The following PTPRQ variants were observed in gnomAD, a reference collection of about 807,000 sequenced individuals.
PTPRQ encodes the protein protein tyrosine phosphatase receptor type Q, also known as phosphatidylinositol phosphatase PTPRQ.
Under a neutral mutation model 246.0 loss-of-function variants are expected in PTPRQ, and 199 were observed. The observed-to-expected ratio is 0.81, with a 90% CI of 0.72 to 0.91. The LOEUF (loss-of-function observed/expected upper bound fraction) is 0.91, where lower values mean the gene tolerates loss of function less well. Ranked by LOEUF, PTPRQ falls within the 40% of genes least tolerant of loss-of-function variation. PTPRQ has a pLI of 0.00. For missense variants in PTPRQ, 2,624 were observed against 2,528.4 expected (o/e 1.04, Z -0.81); for synonymous variants, 869 against 853.2 (o/e 1.02, Z -0.32).
intron 26 of PTPRQ, among the ~76,000 whole-genome samples, chr12:80,592,950 G>T (rs1013551292): frequency 5.3e-5 from 8 of 152,080 alleles, no homozygotes; most frequent in Non-Finnish European, 1.2e-4. Flanking sequence ...GGTGGAGCTT[G>T]CAATGAGCCA....
At chr12:80,449,358 G>A (rs891069227) in intron 3 of PTPRQ, among the ~76,000 whole-genome samples, 1 of 152,020 alleles carries the variant, frequency 6.6e-6, no homozygotes, top group South Asian at 2.1e-4. Context: ...TTCTTTTGCT[G>A]TGCAGAAGCT....
chr12:80,553,827 C>A (rs981304576), intron 25 of PTPRQ, among the ~76,000 whole-genome samples: 18 of 152,194 alleles, frequency 1.2e-4, no homozygotes, highest in African/African-American at 3.9e-4. Flanking sequence ...TACAGCAAGT[C>A]CATGTGCATG....
At chr12:80,492,885 A>G (rs10862141) in intron 9 of PTPRQ, among the ~76,000 whole-genome samples, 129,298 of 151,934 alleles carry the variant, frequency 0.85, 55,887 homozygotes, top group Non-Finnish European at 0.93. Context: ...GGTAATTAGA[A>G]AAGCAAAACA....
chr12:80,496,488 C>A lies in PTPRQ; in HGVS notation c.2229C>A (p.Gly743=). The A allele has an allele frequency of 1.3e-6, 2 of 1,550,184 alleles. No individual in the cohort carries two copies. Among genetic ancestry groups the A allele is most frequent in the East Asian group, 2.4e-5 (1 of 40,854 alleles). ...SVRSYTRFGH[G]NQVSSLLSVR... is the part of the protein sequence containing the mutation. Reference sequence around the variant, plus strand: ...GGTCTTACACCAGATTTGGTCATGGCAATCAGGTATCTTCTTTACTCTCTG... The same window carrying A: ...GGTCTTACACCAGATTTGGTCATGGAAATCAGGTATCTTCTTTACTCTCTG... Residue 743 remains glycine, a synonymous_variant, in exon 14 of 45, where the codon GGC becomes GGA. Coordinates refer to ENST00000644991, the MANE Select transcript of PTPRQ (RefSeq NM_001145026.2).
intron 19 of PTPRQ, among the ~76,000 whole-genome samples, chr12:80,535,860 C>A (rs1269518602): frequency 6.6e-6 from 1 of 152,198 alleles, no homozygotes; most frequent in Non-Finnish European, 1.5e-5. Context: ...GTAATCCCAG[C>A]ACTTTGGGAG....
chr12:80,679,270 T>C lies in PTPRQ; in HGVS notation c.*247T>C, dbSNP rs1363865491. 2.9e-6 allele frequency: 1 copy of C among 339,414 alleles called. No homozygotes were observed. Among genetic ancestry groups the C allele is most frequent in the East Asian group, 4.8e-5 (1 of 20,944 alleles). 21.0% of individuals were successfully genotyped at this position (339,414 alleles called of 1,614,324 possible). ...TGCTTAAGAAAAGACATCCCATATG[T>C]TTTTGAAGTCCTCCATATTTTGGAA... On this transcript the variant is annotated 3_prime_UTR_variant, in exon 45 of 45. Coordinates refer to ENST00000644991, the MANE Select transcript of PTPRQ (RefSeq NM_001145026.2).
intron 17 of PTPRQ, among the ~76,000 whole-genome samples, chr12:80,524,328 C>A (rs1430615169): frequency 2.0e-5 from 3 of 152,024 alleles, no homozygotes; most frequent in African/African-American, 7.2e-5. Flanking sequence ...AGGGGTTTCC[C>A]CTTTCGCTTG....
chr12:80,586,933 T>C (rs1017564885), intron 25 of PTPRQ, among the ~76,000 whole-genome samples: 1 of 152,208 alleles, frequency 6.6e-6, no homozygotes, highest in African/African-American at 2.4e-5. Flanking sequence ...GTAGTTTATA[T>C]GCAGATACTA....
At chr12:80,465,882 A>C (rs1351988571) in intron 6 of PTPRQ, among the ~76,000 whole-genome samples, 2 of 152,160 alleles carry the variant, frequency 1.3e-5, no homozygotes, top group Non-Finnish European at 2.9e-5. Context: ...ATCTATGACA[A>C]ACCCACAGCC....
rs1897502001 is a variant in PTPRQ, at chr12:80,583,195, AT to A, written c.4286-4931del. 1.3e-5 allele frequency among the ~76,000 whole-genome samples: 2 copies of A among 152,146 alleles called. 1 individual carries two copies. Reference sequence around the variant, plus strand: ...AAGTCCCCTGTTATACCCTCGATTCATTTGCTCACACATTCAAAAAACATTT... The same window carrying A: ...AAGTCCCCTGTTATACCCTCGATTCATTGCTCACACATTCAAAAAACATTT... On this transcript the variant is annotated intron_variant, in intron 25 of 44. Coordinates refer to ENST00000644991, the MANE Select transcript of PTPRQ (RefSeq NM_001145026.2).
At position 80,562,547 on chromosome 12, in the gene PTPRQ, T is replaced by C. The variant is rs188746159; in HGVS notation, c.4285+12813T>C. ...GATTGCAAAGGAAATCTTAAGATAATTTTTAAAATACATCAAACTGAATAT... is the reference window on the plus strand; with the variant it reads ...GATTGCAAAGGAAATCTTAAGATAACTTTTAAAATACATCAAACTGAATAT... On this transcript the variant is annotated intron_variant, in intron 25 of 44. Transcript: ENST00000644991. Among the ~76,000 whole-genome samples the C allele has an allele frequency of 5.2e-3, 796 of 152,298 alleles. 10 individuals are homozygous for C. The highest frequency in any genetic ancestry group is 6.8e-3 in the Non-Finnish European group (463 of 68,018).
Position 80,678,937 on chromosome 12 carries a change from G to A in PTPRQ, c.6863-49G>A, listed in dbSNP as rs1395493743. 2.0e-6 allele frequency: 3 copies of A among 1,504,944 alleles called. 1 individual carries two copies. In the Admixed American group the frequency reaches 7.2e-5, roughly 36 times the overall value. 93.2% of individuals were successfully genotyped at this position (1,504,944 alleles called of 1,614,324 possible). A position where few individuals can be genotyped will look rare whatever the true frequency, so the allele number is the denominator to read the frequency against. On this transcript the variant is annotated intron_variant, in intron 44 of 44. Transcript: ENST00000644991. ...TTTTATCATGAAACATTTCAATTTT[G>A]AACTGTTAACTTCAACACTCTCTTG...
intron 9 of PTPRQ, 24 bp downstream of exon 9, chr12:80,484,629 T>C (rs866766784): frequency 1.8e-5 from 28 of 1,546,764 alleles, no homozygotes; most frequent in Middle Eastern, 1.9e-4. Context: ...ATTTCACTTA[T>C]TGGTGAACCC....
chr12:80,626,735 C>T lies in PTPRQ; in HGVS notation c.5686+4601C>T, dbSNP rs534388453. Among the ~76,000 whole-genome samples, 5 of 152,206 alleles carry T rather than the reference C, an allele frequency of 3.3e-5. No individual in the cohort carries two copies. The South Asian group carries it at 1.0e-3, about 32-fold the overall frequency. ...GCAAATCACTAAGTCCCCAAGTAGCCCCCAGTTCATTACTATGGGTGATGT... is the reference window on the plus strand; with the variant it reads ...GCAAATCACTAAGTCCCCAAGTAGCTCCCAGTTCATTACTATGGGTGATGT... On this transcript the variant is annotated intron_variant, in intron 33 of 44. Coordinates refer to ENST00000644991, the MANE Select transcript of PTPRQ (RefSeq NM_001145026.2).
chr12:80,471,486 TTTTTTA>T (rs1278039641), intron 7 of PTPRQ, among the ~76,000 whole-genome samples: 2 of 40,500 alleles, frequency 4.9e-5, no homozygotes, highest in Admixed American at 2.4e-4. Flanking sequence ...TTTTTTTTTT[TTTTTTA>T]TTTGAGACAG....
Position 80,534,121 on chromosome 12 carries a change from T to C in PTPRQ, c.2785T>C (p.Phe929Leu). ...TGCTTATGTAACAGCTAGCACCAGA[T>C]TTGGTGATGGGAAAACAAGAAGCAA... ...YSAYVTASTR[F>L]GDGKTRSNII... The change falls in exon 18 of 45, where the codon TTT becomes CTT. Residue 929 changes from phenylalanine to leucine, a missense_variant. By Grantham distance (22) the Phe-to-Leu change is conservative. Transcript: ENST00000644991. 6.5e-7 allele frequency: 1 copy of C among 1,542,342 alleles called. No individual in the cohort carries two copies. The highest frequency in any genetic ancestry group is 2.0e-5 in the Admixed American group (1 of 49,574).
chr12:80,552,179 A>G (rs909396276), intron 25 of PTPRQ, among the ~76,000 whole-genome samples: 3 of 152,112 alleles, frequency 2.0e-5, no homozygotes, highest in Non-Finnish European at 4.4e-5. Flanking sequence ...ACTTTTGAGG[A>G]CAGGCAAACA....
intron 14 of PTPRQ, among the ~76,000 whole-genome samples, chr12:80,504,625 T>A (rs2120690773): frequency 6.6e-6 from 1 of 151,910 alleles, no homozygotes; most frequent in East Asian, 1.9e-4. Context: ...GAGAAATTTA[T>A]GTGGTTTGTG....
chr12:80,611,188 G>T (rs1458956971), intron 28 of PTPRQ, among the ~76,000 whole-genome samples: 1 of 150,250 alleles, frequency 6.7e-6, no homozygotes, highest in Non-Finnish European at 1.5e-5. Flanking sequence ...TATGAACAGG[G>T]TCTGAATGAA....
Sources: allele counts gnomAD v4.1 joint callset (sites outside exome capture counted in the v4.1 genomes callset), GRCh38; gene constraint gnomAD v4.1.1; transcripts MANE v1.5; gene names NCBI Gene and HGNC (gene_info 2026-07-23, HGNC 2026-07-21).